SRSF10: variants seen among roughly 807,000 people sequenced by gnomAD.
SRSF10 encodes the protein serine and arginine rich splicing factor 10.
In SRSF10, 9 loss-of-function variants were observed where a neutral mutation model predicts 32.6. The observed-to-expected ratio is 0.28, with a 90% CI of 0.17 to 0.48. The LOEUF (loss-of-function observed/expected upper bound fraction) is 0.48. Among genes scored for constraint, SRSF10 ranks in the 20% least tolerant of loss-of-function variants. The probability of loss-of-function intolerance (pLI) is 0.99; values close to 1 mark genes in which losing one functional copy is unlikely to be tolerated. For missense variants in SRSF10, 201 were observed against 331.8 expected (o/e 0.61, Z 3.06); for synonymous variants, 105 against 112.4 (o/e 0.93, Z 0.42).
rs1455512175 is a variant in SRSF10 at position 23,965,071 on chromosome 1, CTT to C, written c.*6069_*6070del. 3.3e-5 allele frequency: 5 copies of C among 151,934 alleles called. No homozygotes were observed. Among genetic ancestry groups the C allele is most frequent in the African/African-American group, 4.8e-5 (2 of 41,422 alleles). 9.4% of individuals were successfully genotyped at this position (151,934 alleles called of 1,614,324 possible). A position where few individuals can be genotyped will look rare whatever the true frequency, so the allele number is the denominator to read the frequency against. On this transcript the variant is annotated 3_prime_UTR_variant, in exon 6 of 6. Transcript: ENST00000492112. ...GAGGAAAAAACCCAAGAGAAGGAAACTTTTCCACAGTGACTAGCAGAATGTCT... is the reference window on the plus strand; with the variant it reads ...GAGGAAAAAACCCAAGAGAAGGAAACTTCCACAGTGACTAGCAGAATGTCT...
rs1409629619 is a variant in SRSF10 at position 23,975,125 on chromosome 1, A to T, written c.171-48T>A. 44 of 1,427,158 alleles carry T rather than the reference A, an allele frequency of 3.1e-5. 1 individual carries two copies. The South Asian group carries it at 4.2e-4, about 14-fold the overall frequency. The allele number at this position is 1,427,158 out of a possible 1,614,324, so 88.4% of individuals were successfully genotyped here. A position where few individuals can be genotyped will look rare whatever the true frequency, so the allele number is the denominator to read the frequency against. ...GGAAGTTTTGCAAACTTTGATAATGAATGAAAGTTCAGTTGGTATGTCTGG... is the reference window on the plus strand; with the variant it reads ...GGAAGTTTTGCAAACTTTGATAATGTATGAAAGTTCAGTTGGTATGTCTGG... On this transcript the variant is annotated intron_variant, in intron 2 of 5. Transcript: ENST00000492112.
chr1:23,980,093 T>A, intron 1 of SRSF10, 98 bp downstream of exon 1: 1 of 1,326,600 alleles, frequency 7.5e-7, no homozygotes, highest in Non-Finnish European at 1.0e-6. Context: ...CCATCTTCAC[T>A]CCGTCCCCTC....
At position 23,965,326 on chromosome 1, in the gene SRSF10, A is replaced by G. The variant is rs1430864224; in HGVS notation, c.*5816T>C. ...TAAACAGGAACATGGTCAAAATGCA[A>G]TACAATGGAAAATCTCTACAAGAGA... On this transcript the variant is annotated 3_prime_UTR_variant, in exon 6 of 6. Coordinates refer to ENST00000492112, the MANE Select transcript of SRSF10 (RefSeq NM_054016.4). The G allele has an allele frequency of 1.3e-5, 2 of 152,038 alleles. No homozygotes were observed. Among genetic ancestry groups the G allele is most frequent in the Non-Finnish European group, 2.9e-5 (2 of 67,870 alleles). The allele number at this position is 152,038 out of a possible 1,614,324, so 9.4% of individuals were successfully genotyped here. A position where few individuals can be genotyped will look rare whatever the true frequency, so the allele number is the denominator to read the frequency against.
chr1:23,972,696 C>T (rs1641841896), intron 3 of SRSF10, among the ~76,000 whole-genome samples: 1 of 151,680 alleles, frequency 6.6e-6, no homozygotes, highest in African/African-American at 2.4e-5. Context: ...CCCGCCTCGG[C>T]CTCCCGAAGT....
chr1:23,980,264 CGT>C lies in SRSF10; in HGVS notation c.-11_-10del, dbSNP rs944829652. 210 of 1,484,516 alleles carry C rather than the reference CGT, an allele frequency of 1.4e-4. No homozygotes were observed. The highest frequency in any genetic ancestry group is 1.8e-4 in the Non-Finnish European group (202 of 1,114,472). The allele number at this position is 1,484,516 out of a possible 1,614,324, so 92.0% of individuals were successfully genotyped here. ...CGCAGGTAGCGGGACATGGCGGCGG[CGT>C]GTCTCGGCCGGGCGCACTAACGGGC... On this transcript the variant is annotated 5_prime_UTR_variant, in exon 1 of 6. Transcript: ENST00000492112.
chr1:23,969,804 T>G lies in SRSF10; in HGVS notation c.*1338A>C, dbSNP rs1269146490. The G allele has an allele frequency of 3.0e-6, 3 of 985,324 alleles. No homozygotes were observed. In the African/African-American group the frequency reaches 5.2e-5, roughly 17 times the overall value. The allele number at this position is 985,324 out of a possible 1,614,324, so 61.0% of individuals were successfully genotyped here. A position where few individuals can be genotyped will look rare whatever the true frequency, so the allele number is the denominator to read the frequency against. On this transcript the variant is annotated 3_prime_UTR_variant, in exon 6 of 6. Coordinates refer to ENST00000492112, the MANE Select transcript of SRSF10 (RefSeq NM_054016.4). ...AAAGCTCAAAAGATGTGACTCTTGC[T>G]TAAAACTGACTAATCCTTTTCCCCA...
chr1:23,966,393 G>A lies in SRSF10; in HGVS notation c.*4749C>T, dbSNP rs1381008912. The A allele has an allele frequency of 6.6e-6, 1 of 151,916 alleles. No homozygotes were observed. Among genetic ancestry groups the A allele is most frequent in the East Asian group, 1.9e-4 (1 of 5,204 alleles). 9.4% of individuals were successfully genotyped at this position (151,916 alleles called of 1,614,324 possible). A position where few individuals can be genotyped will look rare whatever the true frequency, so the allele number is the denominator to read the frequency against. ...AAAAATCAAATGTGATGAAATCAAT[G>A]TATAGGTAAAGAAACATCATATCCT... On this transcript the variant is annotated 3_prime_UTR_variant, in exon 6 of 6. Transcript: ENST00000492112.
At chr1:23,972,585 G>A (rs1641833234) in intron 3 of SRSF10, among the ~76,000 whole-genome samples, 1 of 151,778 alleles carries the variant, frequency 6.6e-6, no homozygotes, top group Admixed American at 6.6e-5. Flanking sequence ...TGAGATTACA[G>A]GCACGCGCCA....
rs1641974975 is a variant in SRSF10 at position 23,974,637 on chromosome 1, T to G, written c.274+337A>C. Among the ~76,000 whole-genome samples the G allele has an allele frequency of 2.0e-5, 3 of 152,310 alleles. No homozygotes were observed. In the Middle Eastern group the frequency reaches 0.01, roughly 518 times the overall value. ...TGAGGTGGGGAGTTCGAGACCGGCC[T>G]GGCCAACATGGTGAAACTCCGTCTC... On this transcript the variant is annotated intron_variant, in intron 3 of 5. Transcript: ENST00000492112.
chr1:23,979,298 T>A (rs111291899), intron 1 of SRSF10, among the ~76,000 whole-genome samples: 1 of 151,894 alleles, frequency 6.6e-6, no homozygotes, highest in Non-Finnish European at 1.5e-5. Context: ...GAATTATTTA[T>A]GGAAAGAATT....
Position 23,971,958 on chromosome 1 carries a change from T to C in SRSF10, c.329A>G (p.Tyr110Cys). The C allele has an allele frequency of 3.8e-6, 6 of 1,587,098 alleles. No homozygotes were observed. The highest frequency in any genetic ancestry group is 2.3e-5 in the South Asian group (2 of 86,330). ...ACGTCTGTATCTGTCATAATCATCATAGCGTGAAGAACTGTACACATTCCT... is the reference window on the plus strand; with the variant it reads ...ACGTCTGTATCTGTCATAATCATCACAGCGTGAAGAACTGTACACATTCCT... Reference protein sequence around the residue: ...EGRNVYSSSRYDDYDRYRRSR... With the variant: ...EGRNVYSSSRCDDYDRYRRSR... Residue 110 changes from tyrosine to cysteine, a missense_variant, in exon 4 of 6, where the codon TAT (tyrosine) becomes TGT (cysteine). Tyr to Cys is a radical substitution (Grantham distance 194, BLOSUM62 -2). Around this residue, in one of 3 missense-constraint regions of SRSF10, gnomAD observed 159 missense variants for 196.7 expected, o/e 0.81. Transcript: ENST00000492112.
At position 23,969,031 on chromosome 1, in the gene SRSF10, G is replaced by A. The variant is rs963065237; in HGVS notation, c.*2111C>T. The A allele has an allele frequency of 5.6e-5, 45 of 800,256 alleles. No individual in the cohort carries two copies. The African/African-American group carries it at 8.4e-4, about 15-fold the overall frequency. 49.6% of individuals were successfully genotyped at this position (800,256 alleles called of 1,614,324 possible). A position where few individuals can be genotyped will look rare whatever the true frequency, so the allele number is the denominator to read the frequency against. On this transcript the variant is annotated 3_prime_UTR_variant, in exon 6 of 6. Coordinates refer to ENST00000492112, the MANE Select transcript of SRSF10 (RefSeq NM_054016.4). ...AAATCTATAAAGGACTGTTTCCATT[G>A]TTATTTTAGAATCATATTCAATACT...
intron 2 of SRSF10, 180 bp downstream of exon 2, chr1:23,978,533 C>A: frequency 1.2e-6 from 1 of 810,230 alleles, no homozygotes; most frequent in Non-Finnish European, 1.7e-6. Flanking sequence ...TATATTTTAC[C>A]ATTTTTGGAT....
rs1641469115 is a variant in SRSF10 at position 23,966,722 on chromosome 1, T to C, written c.*4420A>G. ...AGTAAACAATTTATTATAACTCTAG[T>C]ATATTACAGTCACTGCACAATAAAC... On this transcript the variant is annotated 3_prime_UTR_variant, in exon 6 of 6. Transcript: ENST00000492112. 1.3e-5 allele frequency: 2 copies of C among 152,036 alleles called. No individual in the cohort carries two copies. Among genetic ancestry groups the C allele is most frequent in the African/African-American group, 4.8e-5 (2 of 41,446 alleles). 9.4% of individuals were successfully genotyped at this position (152,036 alleles called of 1,614,324 possible).
rs1186726394 is a variant in SRSF10 at position 23,968,383 on chromosome 1, A to G, written c.*2759T>C. ...CTACTTCTCTCAAATTATAGTCTGT[A>G]AAACAAACAAAACCCCCCCAAAACT... On this transcript the variant is annotated 3_prime_UTR_variant, in exon 6 of 6. Coordinates refer to ENST00000492112, the MANE Select transcript of SRSF10 (RefSeq NM_054016.4). 6.6e-6 allele frequency among the ~76,000 whole-genome samples: 1 copy of G among 152,124 alleles called. No homozygotes were observed. The highest frequency in any genetic ancestry group is 1.9e-4 in the East Asian group (1 of 5,200).
chr1:23,970,335 A>G lies in SRSF10; in HGVS notation c.*807T>C. ...AAAGAACTAATCCACACTGCATCAAAAATAATTATCATTGGCCTAGACATC... is the reference window on the plus strand; with the variant it reads ...AAAGAACTAATCCACACTGCATCAAGAATAATTATCATTGGCCTAGACATC... On this transcript the variant is annotated 3_prime_UTR_variant, in exon 6 of 6. Transcript: ENST00000492112. 1 of 984,182 alleles carries G rather than the reference A, an allele frequency of 1.0e-6. No homozygotes were observed. 61.0% of individuals were successfully genotyped at this position (984,182 alleles called of 1,614,324 possible).
At chr1:23,978,953 C>T (rs763684587) in intron 1 of SRSF10, 136 bp from the exon 2 acceptor site, 255 of 605,856 alleles carry the variant, frequency 4.2e-4, no homozygotes, top group Non-Finnish European at 6.2e-4. Flanking sequence ...AACAGGACAA[C>T]AGCAGACATA....
Position 23,970,791 on chromosome 1 carries a change from A to G in SRSF10, c.*351T>C. On this transcript the variant is annotated 3_prime_UTR_variant, in exon 6 of 6. Transcript: ENST00000492112. ...TATTAGCAAGCTACATTTCTAGGTT[A>G]ACAGTTCTACCAAATATGAATATGA... is the stretch of plus-strand genomic sequence containing the variant. 1 of 1,038,906 alleles carries G rather than the reference A, an allele frequency of 9.6e-7. No individual in the cohort carries two copies. The highest frequency in any genetic ancestry group is 1.2e-6 in the Non-Finnish European group (1 of 864,532). 64.4% of individuals were successfully genotyped at this position (1,038,906 alleles called of 1,614,324 possible). A position where few individuals can be genotyped will look rare whatever the true frequency, so the allele number is the denominator to read the frequency against.
rs1402276798 is a variant in SRSF10, at chr1:23,970,180, A to G, written c.*962T>C. 2 of 985,294 alleles carry G rather than the reference A, an allele frequency of 2.0e-6. No homozygotes were observed. Among genetic ancestry groups the G allele is most frequent in the Admixed American group, 1.2e-4 (2 of 16,260 alleles). The allele number at this position is 985,294 out of a possible 1,614,324, so 61.0% of individuals were successfully genotyped here. ...CCATCAACGACCTGCTCAAATTTTA[A>G]GGTGAGTTTTTGTGTTTTCTATGTT... On this transcript the variant is annotated 3_prime_UTR_variant, in exon 6 of 6. Coordinates refer to ENST00000492112, the MANE Select transcript of SRSF10 (RefSeq NM_054016.4).
Sources: gnomAD v4.1 joint callset for allele counts (sites outside exome capture counted in the v4.1 genomes callset) on GRCh38, gnomAD v4.1.1 for gene constraint, gnomAD v4.1.1 regional missense constraint, MANE v1.5 for transcripts, NCBI Gene and HGNC (gene_info 2026-07-23, HGNC 2026-07-21) for gene names.